Variants in THSD4 observed in about 807,000 individuals in gnomAD.
THSD4 encodes thrombospondin type-1 domain-containing protein 4.
A neutral mutation model predicts 119.0 loss-of-function variants in THSD4; 69 were observed. That is an observed-to-expected ratio of 0.58 (90% CI 0.48 to 0.71). The LOEUF (loss-of-function observed/expected upper bound fraction) is 0.71. THSD4 is among the 30% of genes least tolerant of loss of function. THSD4 has a pLI of 0.00. For missense variants in THSD4, 1,393 were observed against 1,391.1 expected, an observed-to-expected ratio of 1.00 and a Z score of -0.02; for synonymous variants, 524 against 540.4, an observed-to-expected ratio of 0.97 and a Z score of 0.42.
intron 1 of THSD4, among the ~76,000 whole-genome samples, chr15:71,136,664 A>AGGAG (rs376634593): frequency 0.012 from 1,638 of 141,384 alleles, 29 homozygotes; most frequent in African/African-American, 0.038. Flanking sequence ...CAGCGTGTGT[A>AGGAG]GGAGGGAGGG....
At chr15:71,725,687 G>T (rs1312800136) in intron 8 of THSD4, among the ~76,000 whole-genome samples, 1 of 152,152 alleles carries the variant, frequency 6.6e-6, no homozygotes, top group Non-Finnish European at 1.5e-5. Context: ...GCAACATGGG[G>T]GTCTTGGTGA....
intron 7 of THSD4, among the ~76,000 whole-genome samples, chr15:71,581,093 G>C (rs186232532): frequency 2.1e-3 from 319 of 152,196 alleles, no homozygotes; most frequent in Non-Finnish European, 3.4e-3. Context: ...GGGATAGCTG[G>C]ATTATAAGGT....
chr15:71,541,895 G>A lies in THSD4; in HGVS notation c.1153-118635G>A, dbSNP rs141950415. On this transcript the variant is annotated intron_variant, in intron 7 of 17. Transcript: ENST00000261862. ...AGATAATTTCTTGTGGCTTAAGATG[G>A]CTGGAGAATGAAGTGTGTGTGAACA... Among the ~76,000 whole-genome samples the A allele has an allele frequency of 1.2e-4, 18 of 152,274 alleles. No homozygotes were observed. In the East Asian group the frequency reaches 3.5e-3, roughly 29 times the overall value.
At chr15:71,312,401 C>G (rs1430163840) in intron 6 of THSD4, among the ~76,000 whole-genome samples, 6 of 151,962 alleles carry the variant, frequency 3.9e-5, no homozygotes, top group Admixed American at 3.9e-4. Context: ...GGGTCTTAAC[C>G]TAATCTGACT....
chr15:71,630,131 A>G (rs1190917887), intron 7 of THSD4, among the ~76,000 whole-genome samples: 1 of 152,190 alleles, frequency 6.6e-6, no homozygotes, highest in Non-Finnish European at 1.5e-5. Context: ...TACACTCTAA[A>G]GTCCCCCAGT....
At chr15:71,392,789 T>C (rs1486087349) in intron 6 of THSD4, among the ~76,000 whole-genome samples, 1 of 152,214 alleles carries the variant, frequency 6.6e-6, no homozygotes, top group Non-Finnish European at 1.5e-5. Context: ...CTGCTTTTCA[T>C]GTGTCTTCTG....
chr15:71,721,976 C>A (rs1441245079), intron 8 of THSD4, among the ~76,000 whole-genome samples: 92 of 141,636 alleles, frequency 6.5e-4, no homozygotes, highest in South Asian at 9.0e-4. Flanking sequence ...GTCCCTGTCT[C>A]AAAAAAAAAA....
At chr15:71,460,946 C>T (rs1038196242) in intron 7 of THSD4, among the ~76,000 whole-genome samples, 1 of 152,096 alleles carries the variant, frequency 6.6e-6, no homozygotes, top group Non-Finnish European at 1.5e-5. Context: ...TATGTTAACC[C>T]CCCCATATTC....
intron 6 of THSD4, among the ~76,000 whole-genome samples, chr15:71,321,311 G>A (rs1027758463): frequency 3.3e-5 from 5 of 152,156 alleles, no homozygotes; most frequent in Admixed American, 6.5e-5. Flanking sequence ...TGAGGCAGGC[G>A]AATCACCTGA....
intron 6 of THSD4, among the ~76,000 whole-genome samples, chr15:71,347,856 A>G (rs1195597710): frequency 6.6e-6 from 1 of 152,224 alleles, no homozygotes; most frequent in East Asian, 1.9e-4. Context: ...TTAATTTTTC[A>G]GTGTTCAGAT....
intron 8 of THSD4, among the ~76,000 whole-genome samples, chr15:71,673,375 CTCTTT>C (rs368289511): frequency 6.6e-6 from 1 of 152,286 alleles, no homozygotes; most frequent in African/African-American, 2.4e-5. Flanking sequence ...TGATTCTTCT[CTCTTT>C]TCTTCTTTAT....
chr15:71,311,854 C>T (rs978185944), intron 6 of THSD4, among the ~76,000 whole-genome samples: 2 of 152,096 alleles, frequency 1.3e-5, no homozygotes, highest in African/African-American at 2.4e-5. Flanking sequence ...ATCTGTCCTC[C>T]TCTTTCCACC....
rs750847153 is a variant in THSD4, at chr15:71,778,015, T to A, written c.*641T>A. 1.3e-5 allele frequency: 2 copies of A among 152,520 alleles called. No homozygotes were observed. The highest frequency in any genetic ancestry group is 4.1e-4 in the South Asian group (2 of 4,834). The allele number at this position is 152,520 out of a possible 1,614,324, so 9.4% of individuals were successfully genotyped here. On this transcript the variant is annotated 3_prime_UTR_variant, in exon 18 of 18. Coordinates refer to ENST00000261862, the MANE Select transcript of THSD4 (RefSeq NM_024817.3). ...CCCAGAATGGGAGGCAGGGGGTGACTCATTATCCCCATTTTACTGACAGGG... is the reference window on the plus strand; with the variant it reads ...CCCAGAATGGGAGGCAGGGGGTGACACATTATCCCCATTTTACTGACAGGG...
In THSD4 at chr15:71,225,292, A is replaced by G. The variant is rs186515812; in HGVS notation, c.464+9893A>G. Among the ~76,000 whole-genome samples the G allele has an allele frequency of 2.0e-5, 3 of 152,102 alleles. No homozygotes were observed. The Admixed American group carries it at 2.0e-4, about 10-fold the overall frequency. Reference sequence around the variant, plus strand: ...ATAAAGAGCTTTGTATCCCAAGTTCAGAGTTCAGTCCTCAGCTCTTATGAA... The same window carrying G: ...ATAAAGAGCTTTGTATCCCAAGTTCGGAGTTCAGTCCTCAGCTCTTATGAA... On this transcript the variant is annotated intron_variant, in intron 4 of 17. Coordinates refer to ENST00000261862, the MANE Select transcript of THSD4 (RefSeq NM_024817.3).
intron 3 of THSD4, among the ~76,000 whole-genome samples, chr15:71,210,397 T>C (rs2043879533): frequency 6.6e-6 from 1 of 152,200 alleles, no homozygotes; most frequent in East Asian, 1.9e-4. Context: ...AAACACCTGC[T>C]AATAGGCCTT....
intron 7 of THSD4, among the ~76,000 whole-genome samples, chr15:71,602,996 G>A (rs935953320): frequency 6.6e-6 from 1 of 152,224 alleles, no homozygotes; most frequent in Non-Finnish European, 1.5e-5. Context: ...GGGCTTTCTG[G>A]CTCTAAAGCT....
intron 6 of THSD4, among the ~76,000 whole-genome samples, chr15:71,381,933 C>T (rs769253837): frequency 6.6e-6 from 1 of 152,046 alleles, no homozygotes; most frequent in South Asian, 2.1e-4. Context: ...GTGAGAGATA[C>T]ATCCTTTGCG....
intron 3 of THSD4, among the ~76,000 whole-genome samples, chr15:71,208,483 TTTTTCTTTTTTTCTCTTTTC>T: frequency 6.7e-6 from 1 of 148,164 alleles, no homozygotes; most frequent in East Asian, 2.0e-4. Flanking sequence ...GTGCTGTTTC[TTTTTCTTTTTTTCTCTTTTC>T]TTTTCTTTTT....
chr15:71,746,560 A>G (rs2053341743), intron 12 of THSD4, among the ~76,000 whole-genome samples: 1 of 151,974 alleles, frequency 6.6e-6, no homozygotes, highest in African/African-American at 2.4e-5. Context: ...ACACCCAGCT[A>G]ACTTTGGTAT....
Sources: allele counts gnomAD v4.1 joint callset (sites outside exome capture counted in the v4.1 genomes callset), GRCh38; gene constraint gnomAD v4.1.1; transcripts MANE v1.5; gene names NCBI Gene and HGNC (gene_info 2026-07-23, HGNC 2026-07-21).